The following ANKRD45 variants were observed in gnomAD, a reference collection of about 807,000 sequenced individuals.
ANKRD45 encodes ankyrin repeat domain 45, also known as ankyrin repeat domain-containing protein 45.
In ANKRD45, 21 loss-of-function variants were observed where a neutral mutation model predicts 28.1. The observed-to-expected ratio is 0.75, with a 90% CI of 0.53 to 1.08. The LOEUF (loss-of-function observed/expected upper bound fraction) is 1.08, where lower values mean the gene tolerates loss of function less well. Among genes scored for constraint, ANKRD45 ranks in the 50% least tolerant of loss-of-function variants. The probability of loss-of-function intolerance (pLI) is 0.00; values close to 1 mark genes in which losing one functional copy is unlikely to be tolerated. For synonymous variants in ANKRD45, 86 were observed against 103.9 expected, an observed-to-expected ratio of 0.83 and a Z score of 1.05; for missense variants, 261 against 308.7, an observed-to-expected ratio of 0.85 and a Z score of 1.16.
chr1:173,615,342 G>A (rs6656810), intron 5 of ANKRD45, among the ~76,000 whole-genome samples: 1,784 of 140,496 alleles, frequency 0.013, 46 homozygotes, highest in African/African-American at 0.046. Flanking sequence ...CTGAGATTGC[G>A]CCACTGCACT....
At chr1:173,697,516 T>C in the ANKRD45 span, among the ~76,000 whole-genome samples, 3 of 152,204 alleles carry the variant, frequency 2.0e-5, no homozygotes, top group African/African-American at 4.8e-5. Context: ...ATATTCAACA[T>C]TCTTAAAGAA....
At chr1:173,628,789 A>G (rs1251610738) in intron 3 of ANKRD45, among the ~76,000 whole-genome samples, 6 of 152,106 alleles carry the variant, frequency 3.9e-5, no homozygotes, top group Non-Finnish European at 1.5e-5. Context: ...AGTGAATATA[A>G]GCAATAACTA....
chr1:173,671,794 A>G (rs1244085319), upstream of ANKRD45, among the ~76,000 whole-genome samples: 1 of 151,776 alleles, frequency 6.6e-6, no homozygotes, highest in African/African-American at 2.4e-5. Context: ...AGGCAGGAGA[A>G]TCACGTAAAC....
At chr1:173,705,751 C>T in the ANKRD45 span, among the ~76,000 whole-genome samples, 2 of 152,016 alleles carry the variant, frequency 1.3e-5, no homozygotes, top group South Asian at 4.2e-4. Flanking sequence ...AAATATAAAG[C>T]CTAATACTTT....
At chr1:173,679,186 G>GA in the ANKRD45 span, among the ~76,000 whole-genome samples, 20 of 152,186 alleles carry the variant, frequency 1.3e-4, no homozygotes, top group African/African-American at 4.6e-4. Context: ...CACAGAATTG[G>GA]AAAAAACTAC....
chr1:173,714,523 GTCTA>G, the ANKRD45 span, among the ~76,000 whole-genome samples: 2 of 152,254 alleles, frequency 1.3e-5, no homozygotes, highest in Middle Eastern at 3.4e-3. Context: ...TCTCTGGTCT[GTCTA>G]TCTAACTTCT....
chr1:173,648,922 T>C (rs1234605422), intron 2 of ANKRD45, among the ~76,000 whole-genome samples: 3 of 152,186 alleles, frequency 2.0e-5, no homozygotes, highest in Admixed American at 6.5e-5. Flanking sequence ...CCAAGTCACA[T>C]AGTCAAGTTA....
chr1:173,645,288 A>T (rs1668874095), intron 3 of ANKRD45, among the ~76,000 whole-genome samples: 2 of 152,118 alleles, frequency 1.3e-5, no homozygotes, highest in African/African-American at 4.8e-5. Flanking sequence ...ATGAACATGC[A>T]TCTTACCACT....
chr1:173,682,228 G>A, the ANKRD45 span, among the ~76,000 whole-genome samples: 1 of 152,038 alleles, frequency 6.6e-6, no homozygotes, highest in Non-Finnish European at 1.5e-5. Flanking sequence ...ATTATTATGA[G>A]GCTAGACCAC....
chr1:173,669,559 C>A, intron 1 of ANKRD45: 1 of 454,308 alleles, frequency 2.2e-6, no homozygotes. Context: ...CGCGAGGGGG[C>A]AACGGACACT....
intron 3 of ANKRD45, among the ~76,000 whole-genome samples, chr1:173,629,709 G>T (rs970588419): frequency 2.0e-5 from 3 of 152,012 alleles, no homozygotes; most frequent in Non-Finnish European, 4.4e-5. Context: ...GCCTTAAAGA[G>T]GAGGTAGAGA....
chr1:173,616,256 T>C (rs531672922), intron 5 of ANKRD45, among the ~76,000 whole-genome samples: 1 of 152,200 alleles, frequency 6.6e-6, no homozygotes, highest in South Asian at 2.1e-4. Flanking sequence ...ACACATACTA[T>C]ATTATTTCAT....
At chr1:173,650,616 C>G (rs1454197440) in intron 2 of ANKRD45, among the ~76,000 whole-genome samples, 1 of 152,182 alleles carries the variant, frequency 6.6e-6, no homozygotes, top group Non-Finnish European at 1.5e-5. Context: ...GGTATATACC[C>G]AGTAATGGGA....
intron 3 of ANKRD45, among the ~76,000 whole-genome samples, chr1:173,638,947 TG>T (rs2102345785): frequency 6.6e-6 from 1 of 152,282 alleles, no homozygotes; most frequent in African/African-American, 2.4e-5. Flanking sequence ...GGTTTATAGA[TG>T]GTTCCCCCAA....
chr1:173,686,438 C>G, the ANKRD45 span, among the ~76,000 whole-genome samples: 1 of 152,042 alleles, frequency 6.6e-6, no homozygotes, highest in African/African-American at 2.4e-5. Context: ...TCCTGCTGTA[C>G]GAACAGCAGT....
the ANKRD45 span, among the ~76,000 whole-genome samples, chr1:173,702,361 C>A: frequency 6.6e-6 from 1 of 152,120 alleles, no homozygotes; most frequent in Non-Finnish European, 1.5e-5. Context: ...GCAGATATGA[C>A]TGAGATATAA....
chr1:173,624,145 A>G (rs1452720645), intron 5 of ANKRD45, among the ~76,000 whole-genome samples: 1 of 152,086 alleles, frequency 6.6e-6, no homozygotes, highest in Non-Finnish European at 1.5e-5. Flanking sequence ...TATAAATAAA[A>G]TAAAATGTTG....
At chr1:173,630,840 AAAAAAG>A in intron 3 of ANKRD45, among the ~76,000 whole-genome samples, 1 of 149,130 alleles carries the variant, frequency 6.7e-6, no homozygotes, top group South Asian at 2.1e-4. Flanking sequence ...AAAAAAAAAA[AAAAAAG>A]AGAGAGAGAC....
chr1:173,611,700 G>T (rs907537680), intron 5 of ANKRD45, among the ~76,000 whole-genome samples: 7 of 151,216 alleles, frequency 4.6e-5, no homozygotes, highest in African/African-American at 1.7e-4. Flanking sequence ...AGAAAACATA[G>T]AATTAAATCT....
Sources: gnomAD v4.1 joint callset for allele counts (sites outside exome capture counted in the v4.1 genomes callset) on GRCh38, gnomAD v4.1.1 for gene constraint, MANE v1.5 for transcripts, NCBI Gene and HGNC (gene_info 2026-07-23, HGNC 2026-07-21) for gene names.